DPP6: variants seen among roughly 807,000 people sequenced by gnomAD.
The protein encoded by DPP6 is A-type potassium channel modulatory protein DPP6.
DPP6 carries 69 observed loss-of-function variants against 122.6 expected under a neutral mutation model. That is an observed-to-expected ratio of 0.56 (90% CI 0.46 to 0.69). The LOEUF is 0.69. DPP6 is among the 30% of genes least tolerant of loss of function. The pLI is 0.00. For missense variants in DPP6, 928 were observed against 1,116.9 expected, an observed-to-expected ratio of 0.83 and a Z score of 2.41; for synonymous variants, 418 against 433.1, an observed-to-expected ratio of 0.97 and a Z score of 0.43.
chr7:153,840,697 G>C, the DPP6 span, among the ~76,000 whole-genome samples: 1 of 152,278 alleles, frequency 6.6e-6, no homozygotes, highest in African/African-American at 2.4e-5. Flanking sequence ...ATAGAGTTCT[G>C]CACTTAGGGG....
chr7:154,498,337 T>C (rs971430709), intron 3 of DPP6, among the ~76,000 whole-genome samples: 3 of 152,130 alleles, frequency 2.0e-5, no homozygotes, highest in African/African-American at 4.8e-5. Context: ...ATCTTTTTAT[T>C]ATTTTTTATT....
At chr7:154,340,922 G>A (rs1294848157) in intron 1 of DPP6, among the ~76,000 whole-genome samples, 2 of 152,010 alleles carry the variant, frequency 1.3e-5, no homozygotes, top group African/African-American at 2.4e-5. Context: ...GTGTGCTTAC[G>A]ATTTTTTGAA....
chr7:154,428,722 T>C (rs1026879814), intron 1 of DPP6, among the ~76,000 whole-genome samples: 2 of 152,204 alleles, frequency 1.3e-5, no homozygotes, highest in East Asian at 1.9e-4. Flanking sequence ...CTGGAGGCCA[T>C]TGTCCTAAGT....
chr7:154,002,534 T>C (rs1797734652), intron 1 of DPP6, among the ~76,000 whole-genome samples: 1 of 152,238 alleles, frequency 6.6e-6, no homozygotes, highest in Non-Finnish European at 1.5e-5. Context: ...TAGGTATCTC[T>C]AAACTATTGG....
At chr7:153,906,906 A>G (rs1156397894) in intron 1 of DPP6, among the ~76,000 whole-genome samples, 1 of 152,234 alleles carries the variant, frequency 6.6e-6, no homozygotes, top group African/African-American at 2.4e-5. Flanking sequence ...GTCATCCATT[A>G]ATAGACGCTT....
At chr7:154,358,271 C>T (rs1586043766) in intron 1 of DPP6, among the ~76,000 whole-genome samples, 1 of 152,274 alleles carries the variant, frequency 6.6e-6, no homozygotes, top group East Asian at 1.9e-4. Context: ...ATTACCTGGA[C>T]CCATGGAGGG....
At position 154,114,779 on chromosome 7, in the gene DPP6, A is replaced by G. The variant is rs557830752; in HGVS notation, c.243+61716A>G. Among the ~76,000 whole-genome samples, 909 of 152,316 alleles carry G rather than the reference A, an allele frequency of 6.0e-3. 12 individuals carry two copies. Among genetic ancestry groups the G allele is most frequent in the African/African-American group, 0.021 (874 of 41,576 alleles). ...TTTGGAAGTGTTCCAACCTGCACCC[A>G]GGAGGCTTCTGCAGTCTTTTTTGCT... On this transcript the variant is annotated intron_variant, in intron 1 of 25. Coordinates refer to ENST00000377770, the MANE Select transcript of DPP6 (RefSeq NM_130797.4).
At chr7:154,667,173 CTT>C in intron 6 of DPP6, among the ~76,000 whole-genome samples, 1 of 147,784 alleles carries the variant, frequency 6.8e-6, no homozygotes, top group East Asian at 2.0e-4. Flanking sequence ...ATATTTTTAT[CTT>C]TTTTTTTTAT....
At chr7:153,956,447 C>T (rs1365865465) in intron 1 of DPP6, among the ~76,000 whole-genome samples, 3 of 152,166 alleles carry the variant, frequency 2.0e-5, no homozygotes, top group Admixed American at 2.0e-4. Flanking sequence ...AGCATCTCGG[C>T]TTACAGAGCA....
At chr7:154,490,276 A>AAGGATGAG (rs1824161034) in intron 3 of DPP6, among the ~76,000 whole-genome samples, 1 of 152,236 alleles carries the variant, frequency 6.6e-6, no homozygotes, top group Admixed American at 6.5e-5. Context: ...AGTATCTGTG[A>AAGGATGAG]AGGATGAGAC....
intron 1 of DPP6, among the ~76,000 whole-genome samples, chr7:154,154,644 A>G (rs1302995311): frequency 6.6e-6 from 1 of 152,256 alleles, no homozygotes; most frequent in Non-Finnish European, 1.5e-5. Flanking sequence ...GTTCAAGCCC[A>G]TTTTAGAGCT....
At chr7:154,630,564 T>C (rs1835344188) in intron 5 of DPP6, among the ~76,000 whole-genome samples, 1 of 152,172 alleles carries the variant, frequency 6.6e-6, no homozygotes, top group African/African-American at 2.4e-5. Flanking sequence ...GATGATGAGC[T>C]TTTTTTCATG....
At chr7:153,920,435 CAA>C (rs1800576919) in intron 1 of DPP6, among the ~76,000 whole-genome samples, 1 of 151,990 alleles carries the variant, frequency 6.6e-6, no homozygotes, top group South Asian at 2.1e-4. Flanking sequence ...GAGAGAAAGA[CAA>C]GAGGCCTCAA....
chr7:154,074,026 T>A (rs1339349221), intron 1 of DPP6, among the ~76,000 whole-genome samples: 33 of 130,238 alleles, frequency 2.5e-4, no homozygotes, highest in South Asian at 7.3e-4. Context: ...TATGTATGTA[T>A]GTATGTATGT....
At chr7:154,724,656 G>A (rs1441670794) in intron 7 of DPP6, among the ~76,000 whole-genome samples, 2 of 152,088 alleles carry the variant, frequency 1.3e-5, no homozygotes, top group Non-Finnish European at 2.9e-5. Flanking sequence ...CTGGCTCCTG[G>A]CCTCCTGAGT....
intron 1 of DPP6, among the ~76,000 whole-genome samples, chr7:153,898,652 C>G (rs907209635): frequency 2.0e-5 from 3 of 152,056 alleles, no homozygotes; most frequent in Admixed American, 6.6e-5. Context: ...TCATATAGAG[C>G]CTTTGGGAAA....
chr7:154,681,490 G>A (rs564349502), intron 7 of DPP6, among the ~76,000 whole-genome samples: 1 of 152,320 alleles, frequency 6.6e-6, no homozygotes, highest in African/African-American at 2.4e-5. Context: ...TGGATGATGG[G>A]GCGTGGAGCC....
chr7:153,933,688 C>G (rs1347463489), intron 1 of DPP6, among the ~76,000 whole-genome samples: 43 of 69,128 alleles, frequency 6.2e-4, no homozygotes, highest in Non-Finnish European at 1.0e-3. Context: ...CACATTCTCT[C>G]TCTCTCTCTC....
At chr7:154,798,119 T>TC (rs1798151310) in intron 12 of DPP6, among the ~76,000 whole-genome samples, 1 of 152,142 alleles carries the variant, frequency 6.6e-6, no homozygotes, top group Non-Finnish European at 1.5e-5. Flanking sequence ...TGCTTCCCTG[T>TC]CCCCCTCAAG....
Sources: gnomAD v4.1 joint callset for allele counts (sites outside exome capture counted in the v4.1 genomes callset) on GRCh38, gnomAD v4.1.1 for gene constraint, MANE v1.5 for transcripts, NCBI Gene and HGNC (gene_info 2026-07-23, HGNC 2026-07-21) for gene names.